Variants in EYS observed in about 807,000 individuals in gnomAD.
EYS encodes the protein EGF-like photoreceptor maintenance factor.
EYS carries 250 observed loss-of-function variants against 282.1 expected under a neutral mutation model. The observed-to-expected ratio is 0.89, with a 90% CI of 0.80 to 0.98. EYS has a LOEUF of 0.98. Ranked by LOEUF, EYS falls within the 50% of genes least tolerant of loss-of-function variation. The probability of loss-of-function intolerance (pLI) is 0.00; values close to 1 mark genes in which losing one functional copy is unlikely to be tolerated. For synonymous variants in EYS, 1,355 were observed against 1,282.9 expected (o/e 1.06, Z -1.20); for missense variants, 4,016 against 3,709.0 (o/e 1.08, Z -2.15).
intron 30 of EYS, among the ~76,000 whole-genome samples, chr6:64,239,822 C>T (rs1289059852): frequency 6.6e-6 from 1 of 152,070 alleles, no homozygotes; most frequent in East Asian, 1.9e-4. Flanking sequence ...GTCATGAAGC[C>T]TTTGCCCATG....
At chr6:64,328,685 T>C (rs545673692) in intron 29 of EYS, among the ~76,000 whole-genome samples, 2 of 152,276 alleles carry the variant, frequency 1.3e-5, no homozygotes, top group South Asian at 4.2e-4. Flanking sequence ...TGGCTACTAA[T>C]GTATTTGTAA....
At chr6:65,038,697 T>G (rs1772841681) in intron 13 of EYS, among the ~76,000 whole-genome samples, 1 of 151,504 alleles carries the variant, frequency 6.6e-6, no homozygotes, top group Non-Finnish European at 1.5e-5. Flanking sequence ...AACAATTTTA[T>G]CTTTTTACCA....
intron 1 of EYS, among the ~76,000 whole-genome samples, chr6:65,648,941 T>C (rs992204905): frequency 2.6e-5 from 4 of 151,634 alleles, no homozygotes; most frequent in Admixed American, 6.6e-5. Context: ...GGTCAGGAGA[T>C]AGAGACCATC....
At chr6:65,619,229 T>A (rs1257022118) in intron 2 of EYS, among the ~76,000 whole-genome samples, 1 of 151,688 alleles carries the variant, frequency 6.6e-6, no homozygotes, top group South Asian at 2.1e-4. Context: ...TTTATTTCAT[T>A]GAGCAGTGGT....
intron 12 of EYS, among the ~76,000 whole-genome samples, chr6:65,144,144 C>T (rs574291758): frequency 6.6e-6 from 1 of 152,074 alleles, no homozygotes; most frequent in African/African-American, 2.4e-5. Context: ...AACCTGAGCA[C>T]TTCAGAGCTT....
chr6:63,721,793 A>G lies in EYS; in HGVS notation c.8238T>C (p.Asp2746=), dbSNP rs777532787. ...TATTTACTAAAGAGATGCATAAAAA[A>G]TCACCTGCAAGAAAGCAAACAGTAA... ...AAQHLKAQSG[D]FLCISLVNSS... Residue 2746 remains aspartate, a synonymous_variant, in exon 43 of 43, where the codon GAT becomes GAC. Transcript: ENST00000503581. 5 of 1,539,984 alleles carry G rather than the reference A, an allele frequency of 3.2e-6. No homozygotes were observed. The highest frequency in any genetic ancestry group is 3.5e-6 in the Non-Finnish European group (4 of 1,141,320).
Position 65,123,205 on chromosome 6 carries a change from G to A in EYS, c.2024-65478C>T, listed in dbSNP as rs190182621. On this transcript the variant is annotated intron_variant, in intron 12 of 42. Coordinates refer to ENST00000503581, the MANE Select transcript of EYS (RefSeq NM_001142800.2). ...ATTAAAAAAATTTGTTCACCCTAATGTTGTATCCTAATACAAAGCTTGAGC... is the reference window on the plus strand; with the variant it reads ...ATTAAAAAAATTTGTTCACCCTAATATTGTATCCTAATACAAAGCTTGAGC... Among the ~76,000 whole-genome samples the A allele has an allele frequency of 1.1e-4, 17 of 152,154 alleles. No homozygotes were observed. In the East Asian group the frequency reaches 3.3e-3, roughly 29 times the overall value.
At chr6:65,614,738 A>G (rs1766124628) in intron 2 of EYS, among the ~76,000 whole-genome samples, 1 of 152,036 alleles carries the variant, frequency 6.6e-6, no homozygotes, top group African/African-American at 2.4e-5. Flanking sequence ...TTTATTTGTC[A>G]TTATTCTTAA....
chr6:63,986,644 G>A (rs1324936104), intron 34 of EYS, among the ~76,000 whole-genome samples: 1 of 151,812 alleles, frequency 6.6e-6, no homozygotes, highest in Non-Finnish European at 1.5e-5. Flanking sequence ...GATGGAGCTG[G>A]AGGCCATTAT....
intron 22 of EYS, among the ~76,000 whole-genome samples, chr6:64,642,835 G>A (rs959177597): frequency 1.3e-5 from 2 of 152,202 alleles, no homozygotes; most frequent in Non-Finnish European, 2.9e-5. Context: ...ATAGTACTGG[G>A]CCAGGTGCGG....
At chr6:64,755,674 T>C (rs78609417) in intron 22 of EYS, among the ~76,000 whole-genome samples, 2,954 of 152,170 alleles carry the variant, frequency 0.019, 87 homozygotes, top group East Asian at 0.14. Context: ...TTCTCACTTG[T>C]AAGTTTGAGC....
At chr6:64,880,755 A>G (rs1482625875) in intron 19 of EYS, among the ~76,000 whole-genome samples, 1 of 149,184 alleles carries the variant, frequency 6.7e-6, no homozygotes, top group Non-Finnish European at 1.5e-5. Context: ...ATCTATATAT[A>G]CATATTTATA....
chr6:64,925,304 C>G (rs569451677), intron 15 of EYS, among the ~76,000 whole-genome samples: 4 of 152,274 alleles, frequency 2.6e-5, no homozygotes, highest in Non-Finnish European at 4.4e-5. Flanking sequence ...CCCCCTGGGT[C>G]CCTCCCACAA....
At chr6:64,311,644 A>T (rs1769709079) in intron 29 of EYS, among the ~76,000 whole-genome samples, 1 of 152,154 alleles carries the variant, frequency 6.6e-6, no homozygotes, top group Non-Finnish European at 1.5e-5. Context: ...CGCAGAAGGC[A>T]GGTGGTTTCT....
intron 41 of EYS, among the ~76,000 whole-genome samples, chr6:63,755,989 G>A (rs1769471207): frequency 6.6e-6 from 1 of 152,154 alleles, no homozygotes; most frequent in Non-Finnish European, 1.5e-5. Context: ...TGTATCCTGA[G>A]ACTTTGCTTA....
At position 65,375,005 on chromosome 6, in the gene EYS, A is replaced by G. The variant is rs186347047; in HGVS notation, c.1299+9381T>C. ...CTGTCAGCTCTGAAAAGAGCAGTGG[A>G]TCTCCCAGCACAGCGCTCCAGCTCT... On this transcript the variant is annotated intron_variant, in intron 8 of 42. Transcript: ENST00000503581. Among the ~76,000 whole-genome samples the G allele has an allele frequency of 2.5e-3, 387 of 152,244 alleles. 3 individuals carry two copies. The highest frequency in any genetic ancestry group is 0.018 in the South Asian group (88 of 4,826).
At chr6:65,337,860 C>T (rs1217188499) in intron 10 of EYS, among the ~76,000 whole-genome samples, 2 of 150,626 alleles carry the variant, frequency 1.3e-5, no homozygotes, top group African/African-American at 4.8e-5. Flanking sequence ...ATAATGAAAT[C>T]TTGAAAGAGA....
intron 12 of EYS, among the ~76,000 whole-genome samples, chr6:65,119,630 C>CTTTTTTTT (rs3036008): frequency 0.019 from 2,597 of 135,132 alleles, 59 homozygotes; most frequent in Non-Finnish European, 0.022. Flanking sequence ...GCCTTTTTAT[C>CTTTTTTTT]TTTTTTTTTT....
At chr6:65,196,290 G>A (rs2150242952) in intron 12 of EYS, among the ~76,000 whole-genome samples, 1 of 151,922 alleles carries the variant, frequency 6.6e-6, no homozygotes, top group South Asian at 2.1e-4. Flanking sequence ...TACTTTTCAT[G>A]TACTCAAGCT....
Sources: gnomAD v4.1 joint callset for allele counts (sites outside exome capture counted in the v4.1 genomes callset) on GRCh38, gnomAD v4.1.1 for gene constraint, MANE v1.5 for transcripts, NCBI Gene and HGNC (gene_info 2026-07-23, HGNC 2026-07-21) for gene names.